DENND1A: variants seen among roughly 807,000 people sequenced by gnomAD.
DENND1A encodes DENN domain containing 1A.
A neutral mutation model predicts 113.7 loss-of-function variants in DENND1A; 51 were observed. The ratio of observed to expected loss-of-function variants is 0.45; its 90% confidence interval spans 0.36 to 0.57. The LOEUF (loss-of-function observed/expected upper bound fraction) is 0.57, where lower values mean the gene tolerates loss of function less well. Ranked by LOEUF, DENND1A falls within the 20% of genes least tolerant of loss-of-function variation. DENND1A has a pLI of 0.00. For missense variants in DENND1A, 1,258 were observed against 1,395.9 expected, an observed-to-expected ratio of 0.90 and a Z score of 1.57; for synonymous variants, 565 against 570.8, an observed-to-expected ratio of 0.99 and a Z score of 0.14.
chr9:123,833,364 AC>A (rs1483535365), intron 2 of DENND1A, among the ~76,000 whole-genome samples: 1 of 152,130 alleles, frequency 6.6e-6, no homozygotes, highest in South Asian at 2.1e-4. Context: ...GTTTTTCTAA[AC>A]ATAAAAACAA....
intron 10 of DENND1A, among the ~76,000 whole-genome samples, chr9:123,628,497 C>T (rs1025970521): frequency 6.6e-6 from 1 of 151,994 alleles, no homozygotes; most frequent in Non-Finnish European, 1.5e-5. Flanking sequence ...AGGCTGGAGA[C>T]CTGGGTACAG....
intron 5 of DENND1A, among the ~76,000 whole-genome samples, chr9:123,702,224 A>G (rs992563063): frequency 1.3e-5 from 2 of 152,276 alleles, no homozygotes; most frequent in East Asian, 1.9e-4. Context: ...AAATCTGTGA[A>G]GTCAAAGACA....
At chr9:123,549,303 T>C (rs1192361649) in intron 13 of DENND1A, among the ~76,000 whole-genome samples, 1 of 152,152 alleles carries the variant, frequency 6.6e-6, no homozygotes, top group Admixed American at 6.5e-5. Context: ...CATAGTGTCT[T>C]AAGGTTCCTC....
At chr9:123,388,939 C>T (rs978485608) in intron 21 of DENND1A, among the ~76,000 whole-genome samples, 5 of 152,188 alleles carry the variant, frequency 3.3e-5, no homozygotes, top group South Asian at 4.1e-4. Flanking sequence ...TGCTCTGAGG[C>T]GAGTGAAGTC....
intron 4 of DENND1A, chr9:123,759,427 T>C (rs777391797): frequency 6.6e-6 from 1 of 152,208 alleles, no homozygotes; most frequent in Non-Finnish European, 1.5e-5. Flanking sequence ...GTTGTTATTA[T>C]TATTACTATT....
At chr9:123,676,279 C>T (rs1220801365) in intron 6 of DENND1A, among the ~76,000 whole-genome samples, 1 of 152,202 alleles carries the variant, frequency 6.6e-6, no homozygotes. Flanking sequence ...GAAATGGGAA[C>T]TCAGGACAGC....
chr9:123,418,556 G>A (rs1018068701), intron 19 of DENND1A, among the ~76,000 whole-genome samples: 4 of 152,240 alleles, frequency 2.6e-5, no homozygotes, highest in Non-Finnish European at 5.9e-5. Flanking sequence ...CTGCAGGGTG[G>A]AAAACGCTCG....
At chr9:123,841,059 T>C (rs1039603129) in intron 2 of DENND1A, among the ~76,000 whole-genome samples, 1 of 152,184 alleles carries the variant, frequency 6.6e-6, no homozygotes, top group Non-Finnish European at 1.5e-5. Flanking sequence ...CTTAAATATA[T>C]ACGAGAGTTT....
intron 10 of DENND1A, among the ~76,000 whole-genome samples, chr9:123,623,889 G>C (rs963005146): frequency 5.3e-5 from 8 of 152,110 alleles, no homozygotes; most frequent in African/African-American, 1.9e-4. Flanking sequence ...ACATGTCTTT[G>C]TCCAGAAGTC....
intron 5 of DENND1A, among the ~76,000 whole-genome samples, chr9:123,739,730 G>A (rs2068842052): frequency 6.6e-6 from 1 of 152,092 alleles, no homozygotes; most frequent in Non-Finnish European, 1.5e-5. Context: ...AACTATTAAT[G>A]AAAGTTTAGA....
chr9:123,667,343 G>T (rs546196708), intron 7 of DENND1A, among the ~76,000 whole-genome samples: 1 of 152,258 alleles, frequency 6.6e-6, no homozygotes, highest in South Asian at 2.1e-4. Context: ...GGCCAGGAGT[G>T]TTGGCTCACA....
At chr9:123,579,794 G>A (rs1372886024) in intron 12 of DENND1A, among the ~76,000 whole-genome samples, 2 of 152,162 alleles carry the variant, frequency 1.3e-5, no homozygotes, top group Admixed American at 1.3e-4. Context: ...CCTCTTGATA[G>A]CTCATGTAGC....
chr9:123,432,258 AAACCCC>A (rs1385671098), intron 19 of DENND1A, among the ~76,000 whole-genome samples: 2 of 152,264 alleles, frequency 1.3e-5, no homozygotes, highest in South Asian at 2.1e-4. Context: ...TCAAAGGAGC[AAACCCC>A]AGCCTTGTTA....
chr9:123,694,061 C>T (rs1379935101), intron 5 of DENND1A, among the ~76,000 whole-genome samples: 1 of 151,578 alleles, frequency 6.6e-6, no homozygotes, highest in Admixed American at 6.6e-5. Context: ...GTCTCGATCT[C>T]TTGACCTTGT....
At chr9:123,670,034 G>A (rs2063689884) in intron 7 of DENND1A, among the ~76,000 whole-genome samples, 1 of 151,906 alleles carries the variant, frequency 6.6e-6, no homozygotes, top group Non-Finnish European at 1.5e-5. Flanking sequence ...CCATGAAATG[G>A]GAATGTTAAT....
At chr9:123,914,936 C>T (rs1353527195) in intron 1 of DENND1A, among the ~76,000 whole-genome samples, 1 of 152,070 alleles carries the variant, frequency 6.6e-6, no homozygotes, top group Admixed American at 6.6e-5. Flanking sequence ...CAAACCATCT[C>T]AACCTGAGTC....
intron 5 of DENND1A, among the ~76,000 whole-genome samples, chr9:123,754,888 A>AT (rs954407706): frequency 6.6e-5 from 10 of 152,212 alleles, no homozygotes; most frequent in Admixed American, 5.2e-4. Flanking sequence ...TCAAATGTAA[A>AT]TTTTTAAATG....
rs555620488 is a variant in DENND1A, at chr9:123,536,030, C to T, written c.993+21540G>A. 3.3e-5 allele frequency among the ~76,000 whole-genome samples: 5 copies of T among 152,260 alleles called. No individual in the cohort carries two copies. The East Asian group carries it at 7.7e-4, about 24-fold the overall frequency. On this transcript the variant is annotated intron_variant, in intron 13 of 23. Coordinates refer to ENST00000394215, the MANE Select transcript of DENND1A (RefSeq NM_001352964.2). ...TCTTCAAACCTCCACATAAAAAAGG[C>T]AAACTGACTATATAGCAAAACCTCA...
At chr9:123,486,023 T>C (rs1346481975) in intron 13 of DENND1A, among the ~76,000 whole-genome samples, 3 of 152,122 alleles carry the variant, frequency 2.0e-5, no homozygotes, top group Non-Finnish European at 4.4e-5. Context: ...CCGGGTGCCA[T>C]AGATCACTGG....
Sources: allele counts gnomAD v4.1 joint callset (sites outside exome capture counted in the v4.1 genomes callset), GRCh38; gene constraint gnomAD v4.1.1; transcripts MANE v1.5; gene names NCBI Gene and HGNC (gene_info 2026-07-23, HGNC 2026-07-21).